Variants in AHCYL2 observed in about 807,000 individuals in gnomAD.
AHCYL2 encodes the protein adenosylhomocysteinase like 2.
A neutral mutation model predicts 81.4 loss-of-function variants in AHCYL2; 28 were observed. That is an observed-to-expected ratio of 0.34 (90% CI 0.25 to 0.47). The LOEUF is 0.47. Among genes scored for constraint, AHCYL2 ranks in the 20% least tolerant of loss-of-function variants. The probability of loss-of-function intolerance (pLI) is 1.00; values close to 1 mark genes in which losing one functional copy is unlikely to be tolerated. For synonymous variants in AHCYL2, 272 were observed against 290.2 expected (o/e 0.94, Z 0.64); for missense variants, 551 against 785.1 (o/e 0.70, Z 3.56).
intron 1 of AHCYL2, among the ~76,000 whole-genome samples, chr7:129,263,142 T>A (rs1991645): frequency 0.94 from 142,991 of 152,314 alleles, 67,761 homozygotes; most frequent in East Asian, 1. Flanking sequence ...ATGTTGTGGT[T>A]ACAAACAGTC....
At chr7:129,286,459 G>GT (rs545196413) in intron 1 of AHCYL2, among the ~76,000 whole-genome samples, 1 of 150,110 alleles carries the variant, frequency 6.7e-6, no homozygotes, top group Admixed American at 6.6e-5. Flanking sequence ...TTGTTTGTTT[G>GT]TTTGTTTTGT....
intron 1 of AHCYL2, among the ~76,000 whole-genome samples, chr7:129,287,428 T>A (rs1796675892): frequency 6.6e-6 from 1 of 152,218 alleles, no homozygotes; most frequent in African/African-American, 2.4e-5. Flanking sequence ...TTAAGCAGTA[T>A]AACATCCAGA....
intron 1 of AHCYL2, among the ~76,000 whole-genome samples, chr7:129,366,776 CAAA>C (rs59464433): frequency 1.4e-5 from 2 of 138,358 alleles, no homozygotes; most frequent in East Asian, 4.2e-4. Context: ...AACTCTGTCT[CAAA>C]AAAAAAAAAA....
chr7:129,379,241 C>G (rs2150883949), intron 1 of AHCYL2, among the ~76,000 whole-genome samples: 1 of 151,324 alleles, frequency 6.6e-6, no homozygotes, highest in East Asian at 1.9e-4. Context: ...GATCGTGCCA[C>G]CGCACTGCAG....
intron 2 of AHCYL2, among the ~76,000 whole-genome samples, chr7:129,379,986 A>G (rs1794879001): frequency 6.6e-6 from 1 of 152,188 alleles, no homozygotes; most frequent in Non-Finnish European, 1.5e-5. Context: ...TGATTAAGGA[A>G]ATTGAATTCT....
chr7:129,231,735 T>C (rs758133849), intron 1 of AHCYL2, among the ~76,000 whole-genome samples: 7 of 152,210 alleles, frequency 4.6e-5, no homozygotes, highest in African/African-American at 7.2e-5. Context: ...ACCTATGGCC[T>C]GCGATTTGGT....
chr7:129,241,143 T>G (rs1265799537), intron 1 of AHCYL2, among the ~76,000 whole-genome samples: 1 of 152,184 alleles, frequency 6.6e-6, no homozygotes, highest in African/African-American at 2.4e-5. Flanking sequence ...ACATGCAGCA[T>G]GTTTGTGTGT....
intron 1 of AHCYL2, among the ~76,000 whole-genome samples, chr7:129,272,597 A>G (rs1221141759): frequency 1.3e-5 from 2 of 152,178 alleles, no homozygotes; most frequent in Non-Finnish European, 2.9e-5. Context: ...GAGGCTGGGA[A>G]AAGAGTGAAC....
At chr7:129,401,348 C>CA (rs1554494105) in intron 6 of AHCYL2, among the ~76,000 whole-genome samples, 4 of 141,188 alleles carry the variant, frequency 2.8e-5, no homozygotes, top group South Asian at 2.2e-4. Context: ...TGCCCCCCCC[C>CA]AAAAAAGCTA....
chr7:129,276,736 C>CAAA (rs374792572), intron 1 of AHCYL2, among the ~76,000 whole-genome samples: 34,154 of 124,454 alleles, frequency 0.27, 5,878 homozygotes, highest in East Asian at 0.57. Context: ...GCAACTGTCT[C>CAAA]AAAAAAAAAA....
At chr7:129,324,776 A>G (rs1300978721) in intron 1 of AHCYL2, among the ~76,000 whole-genome samples, 1 of 152,128 alleles carries the variant, frequency 6.6e-6, no homozygotes, top group Admixed American at 6.5e-5. Context: ...CAGCCTCCCA[A>G]AGTGCTGGGA....
chr7:129,229,948 T>C (rs2150673068), intron 1 of AHCYL2, among the ~76,000 whole-genome samples: 1 of 152,322 alleles, frequency 6.6e-6, no homozygotes, highest in Admixed American at 6.5e-5. Context: ...ACTTTTTCCC[T>C]ATTCTTTAAG....
chr7:129,254,692 G>A (rs1027563668), intron 1 of AHCYL2, among the ~76,000 whole-genome samples: 5 of 152,054 alleles, frequency 3.3e-5, no homozygotes, highest in African/African-American at 1.2e-4. Context: ...GGATCACTTT[G>A]GCTTTTCTTA....
intron 2 of AHCYL2, among the ~76,000 whole-genome samples, chr7:129,381,372 T>C (rs1043099110): frequency 3.3e-5 from 5 of 152,166 alleles, no homozygotes; most frequent in African/African-American, 9.7e-5. Context: ...TAATTAATGC[T>C]CTTAGTTTCT....
intron 2 of AHCYL2, among the ~76,000 whole-genome samples, chr7:129,382,228 A>G (rs1794989766): frequency 6.6e-6 from 1 of 152,056 alleles, no homozygotes; most frequent in Non-Finnish European, 1.5e-5. Context: ...CTGACTCACA[A>G]CTCTCTAAAT....
rs1258723374 is a variant in AHCYL2 at position 129,429,767 on chromosome 7, A to G, written c.*2722A>G. 3 of 152,292 alleles carry G rather than the reference A, an allele frequency of 2.0e-5. No homozygotes were observed. The highest frequency in any genetic ancestry group is 6.6e-5 in the Admixed American group (1 of 15,248). 9.4% of individuals were successfully genotyped at this position (152,292 alleles called of 1,614,324 possible). ...CTTCCCTCTGCTCTCCTCCCTCCCT[A>G]TCCTACTTGCCCATATGAGCACGGC... On this transcript the variant is annotated 3_prime_UTR_variant, in exon 17 of 17. Transcript: ENST00000325006.
chr7:129,413,710 T>C (rs780082795), intron 12 of AHCYL2, 22 bp downstream of exon 12: 56 of 1,602,258 alleles, frequency 3.5e-5, no homozygotes, highest in South Asian at 1.9e-4. Context: ...TAGCTCATTA[T>C]TGGGGGCTTT....
chr7:129,360,592 G>A (rs1004412082), intron 1 of AHCYL2, among the ~76,000 whole-genome samples: 2 of 152,362 alleles, frequency 1.3e-5, no homozygotes, highest in African/African-American at 4.8e-5. Context: ...CACTGTGATA[G>A]AGATCAGTCT....
At chr7:129,265,321 C>T (rs1332155649) in intron 1 of AHCYL2, among the ~76,000 whole-genome samples, 6 of 152,204 alleles carry the variant, frequency 3.9e-5, no homozygotes, top group African/African-American at 1.2e-4. Flanking sequence ...CACCCAACAA[C>T]TTCCGCTTCC....
Sources: gnomAD v4.1 joint callset for allele counts (sites outside exome capture counted in the v4.1 genomes callset) on GRCh38, gnomAD v4.1.1 for gene constraint, MANE v1.5 for transcripts, NCBI Gene and HGNC (gene_info 2026-07-23, HGNC 2026-07-21) for gene names.